CTNND2: variants seen among roughly 807,000 people sequenced by gnomAD.
CTNND2 encodes catenin delta-2.
In CTNND2, 22 loss-of-function variants were observed where a neutral mutation model predicts 144.4. That is an observed-to-expected ratio of 0.15 (90% CI 0.11 to 0.22). CTNND2 has a LOEUF of 0.22. Ranked by LOEUF, CTNND2 falls within the 10% of genes least tolerant of loss-of-function variation. CTNND2 has a pLI of 1.00. For synonymous variants in CTNND2, 751 were observed against 695.6 expected (o/e 1.08, Z -1.25); for missense variants, 1,353 against 1,618.8 (o/e 0.84, Z 2.82).
At chr5:11,100,760 T>A (rs2973508) in intron 14 of CTNND2, among the ~76,000 whole-genome samples, 10,649 of 152,226 alleles carry the variant, frequency 0.07, 1,231 homozygotes, top group African/African-American at 0.24. Context: ...AACTTCCAAC[T>A]CAACATGGAT....
At chr5:11,108,960 G>T (rs1752680366) in intron 14 of CTNND2, among the ~76,000 whole-genome samples, 1 of 152,138 alleles carries the variant, frequency 6.6e-6, no homozygotes, top group South Asian at 2.1e-4. Context: ...TATTTCCCTG[G>T]ACCCCAATCT....
intron 10 of CTNND2, among the ~76,000 whole-genome samples, chr5:11,227,660 G>T (rs141136584): frequency 6.6e-6 from 1 of 152,210 alleles, no homozygotes; most frequent in East Asian, 1.9e-4. Context: ...TTTAACAGAT[G>T]AAATGTTCTA....
At chr5:11,698,414 G>A (rs1258766088) in intron 2 of CTNND2, among the ~76,000 whole-genome samples, 1 of 151,128 alleles carries the variant, frequency 6.6e-6, no homozygotes, top group Non-Finnish European at 1.5e-5. Context: ...TCAGCCTCCC[G>A]AATAGCTGGG....
intron 2 of CTNND2, among the ~76,000 whole-genome samples, chr5:11,574,269 G>GTATTC (rs1216507097): frequency 6.6e-6 from 1 of 152,128 alleles, no homozygotes; most frequent in African/African-American, 2.4e-5. Flanking sequence ...ATTCTGCTAA[G>GTATTC]TGCTTCACAT....
chr5:11,415,727 AGTAAAGT>A (rs779342368), intron 3 of CTNND2, among the ~76,000 whole-genome samples: 2 of 152,186 alleles, frequency 1.3e-5, no homozygotes, highest in Non-Finnish European at 2.9e-5. Flanking sequence ...CCCAGTACTC[AGTAAAGT>A]CCAGCACTCC....
chr5:11,433,967 C>G (rs951911283), intron 3 of CTNND2, among the ~76,000 whole-genome samples: 2 of 152,078 alleles, frequency 1.3e-5, no homozygotes, highest in African/African-American at 4.8e-5. Flanking sequence ...GGTTTCAAAC[C>G]AAGATATTTC....
intron 9 of CTNND2, among the ~76,000 whole-genome samples, chr5:11,317,605 A>G (rs1751643527): frequency 6.6e-6 from 1 of 152,184 alleles, no homozygotes. Context: ...TTATATTTTG[A>G]TTGGTTCCTT....
intron 16 of CTNND2, among the ~76,000 whole-genome samples, chr5:11,033,828 A>T (rs923647378): frequency 6.4e-5 from 9 of 141,704 alleles, no homozygotes; most frequent in Non-Finnish European, 1.5e-4. Flanking sequence ...CGACTGTCTC[A>T]ACAACAACAG....
At chr5:11,019,827 C>T (rs1204834848) in intron 17 of CTNND2, among the ~76,000 whole-genome samples, 2 of 152,158 alleles carry the variant, frequency 1.3e-5, no homozygotes, top group Non-Finnish European at 2.9e-5. Context: ...TATAGTGACA[C>T]ATTCAACACT....
At chr5:11,659,537 T>C (rs1242587839) in intron 2 of CTNND2, among the ~76,000 whole-genome samples, 2 of 152,072 alleles carry the variant, frequency 1.3e-5, no homozygotes, top group African/African-American at 2.4e-5. Flanking sequence ...TGCAAGGACA[T>C]AGAGCTGATC....
At chr5:11,413,739 C>T (rs1176939249) in intron 3 of CTNND2, among the ~76,000 whole-genome samples, 3 of 152,134 alleles carry the variant, frequency 2.0e-5, no homozygotes, top group Admixed American at 6.6e-5. Flanking sequence ...ACACTAGATA[C>T]TATTTTCATT....
chr5:11,200,017 G>A (rs1737264702), intron 10 of CTNND2, among the ~76,000 whole-genome samples: 1 of 152,172 alleles, frequency 6.6e-6, no homozygotes, highest in Non-Finnish European at 1.5e-5. Context: ...TCATTCCCTA[G>A]ACTTATTAAA....
chr5:11,061,528 GT>G (rs1191794995), intron 16 of CTNND2, among the ~76,000 whole-genome samples: 1 of 152,072 alleles, frequency 6.6e-6, no homozygotes, highest in African/African-American at 2.4e-5. Flanking sequence ...TGCACCAGGG[GT>G]TTTGCTCTTG....
At chr5:11,250,491 C>CTATA (rs1285130441) in intron 9 of CTNND2, among the ~76,000 whole-genome samples, 1,635 of 64,020 alleles carry the variant, frequency 0.026, 36 homozygotes, top group Middle Eastern at 0.045. Context: ...CTCTCTCTCT[C>CTATA]TATATATATA....
chr5:11,494,561 A>G (rs1345131571), intron 3 of CTNND2, among the ~76,000 whole-genome samples: 1 of 152,202 alleles, frequency 6.6e-6, no homozygotes, highest in East Asian at 1.9e-4. Flanking sequence ...GCATTCGCTC[A>G]TTTCTGAAAA....
intron 3 of CTNND2, among the ~76,000 whole-genome samples, chr5:11,415,515 A>G (rs1209455442): frequency 1.3e-5 from 2 of 152,104 alleles, no homozygotes; most frequent in East Asian, 3.9e-4. Context: ...TCAACATGGG[A>G]AGATTCTTTG....
At chr5:10,985,880 C>T (rs1737873066) in intron 20 of CTNND2, among the ~76,000 whole-genome samples, 1 of 152,168 alleles carries the variant, frequency 6.6e-6, no homozygotes, top group Non-Finnish European at 1.5e-5. Context: ...CATACCACTA[C>T]TGAAAGTGGC....
At chr5:11,299,655 C>T (rs1749374895) in intron 9 of CTNND2, among the ~76,000 whole-genome samples, 1 of 152,154 alleles carries the variant, frequency 6.6e-6, no homozygotes. Context: ...GTAGAATGGC[C>T]ATGTTATTCC....
intron 2 of CTNND2, among the ~76,000 whole-genome samples, chr5:11,721,738 A>G (rs1168243840): frequency 6.6e-6 from 1 of 152,192 alleles, no homozygotes; most frequent in Non-Finnish European, 1.5e-5. Flanking sequence ...CCTCTTTACA[A>G]GTGTCTTGAG....
Sources: gnomAD v4.1 joint callset for allele counts (sites outside exome capture counted in the v4.1 genomes callset) on GRCh38, gnomAD v4.1.1 for gene constraint, MANE v1.5 for transcripts, NCBI Gene and HGNC (gene_info 2026-07-23, HGNC 2026-07-21) for gene names.